The following WAC variants were observed in gnomAD, a reference collection of about 807,000 sequenced individuals.
WAC encodes WW domain-containing adapter protein with coiled-coil.
WAC carries 11 observed loss-of-function variants against 79.6 expected under a neutral mutation model. The ratio of observed to expected loss-of-function variants is 0.14; its 90% CI spans 0.09 to 0.23. WAC has a LOEUF of 0.23. Ranked by LOEUF, WAC falls within the 10% of genes least tolerant of loss-of-function variation. The pLI, the probability that WAC is intolerant of heterozygous loss-of-function variation, is 1.00. For synonymous variants in WAC, 304 were observed against 276.9 expected (o/e 1.10, Z -0.97); for missense variants, 728 against 773.5 (o/e 0.94, Z 0.70).
chr10:28,573,538 T>C (rs1204722857), intron 3 of WAC, among the ~76,000 whole-genome samples: 1 of 152,192 alleles, frequency 6.6e-6, no homozygotes, highest in East Asian at 1.9e-4. Flanking sequence ...ATTTAAGCCA[T>C]AAGAGAATGT....
At chr10:28,619,121 A>G (rs1459823841) in intron 13 of WAC, among the ~76,000 whole-genome samples, 2 of 152,198 alleles carry the variant, frequency 1.3e-5, no homozygotes, top group Non-Finnish European at 2.9e-5. Flanking sequence ...TCTACTAAAA[A>G]TATAAAAATT....
At chr10:28,559,099 C>T (rs1838157383) in intron 3 of WAC, among the ~76,000 whole-genome samples, 1 of 148,652 alleles carries the variant, frequency 6.7e-6, no homozygotes, top group Admixed American at 6.8e-5. Context: ...GTATGGTAGA[C>T]AACAGATTAG....
intron 3 of WAC, among the ~76,000 whole-genome samples, chr10:28,549,573 G>A (rs1024283836): frequency 6.6e-6 from 1 of 152,020 alleles, no homozygotes; most frequent in African/African-American, 2.4e-5. Flanking sequence ...GCAATATCTT[G>A]TTTACAGACC....
chr10:28,595,689 C>G, intron 6 of WAC, 44 bp from the exon 7 acceptor site: 1 of 1,569,046 alleles, frequency 6.4e-7, no homozygotes, highest in Non-Finnish European at 8.7e-7. Flanking sequence ...TTTCTTCCCC[C>G]TTCTGTCATT....
At chr10:28,593,679 G>T (rs1840211735) in intron 6 of WAC, among the ~76,000 whole-genome samples, 1 of 150,986 alleles carries the variant, frequency 6.6e-6, no homozygotes, top group Admixed American at 6.6e-5. Context: ...GAGGCAGGCA[G>T]AGGTTTCAGT....
At chr10:28,574,686 C>T (rs758690758) in intron 3 of WAC, among the ~76,000 whole-genome samples, 37 of 152,176 alleles carry the variant, frequency 2.4e-4, no homozygotes, top group African/African-American at 3.4e-4. Flanking sequence ...TCAGGCAATC[C>T]GCTTGCCTCA....
Position 28,595,757 on chromosome 10 carries a change from C to T in WAC, c.635C>T (p.Ala212Val). ...GTGGAAGACAAGCATTCCAGTGATG[C>T]CAGTAGTTTGCTCCCACAGAATATT... is the stretch of plus-strand genomic sequence containing the variant. The part of the protein sequence containing the change: ...SGMEDKHSSD[A>V]SSLLPQNILS... Residue 212 changes from alanine to valine, a missense_variant, in exon 7 of 14, where the codon GCC becomes GTC. Ala to Val is a moderately conservative substitution (Grantham distance 64). This residue lies in a region of WAC where 648 missense variants were observed against 661.5 expected (regional missense o/e 0.98). Transcript: ENST00000354911. The T allele has an allele frequency of 6.2e-7, 1 of 1,613,858 alleles. No individual in the cohort carries two copies. Among genetic ancestry groups the T allele is most frequent in the South Asian group, 1.1e-5 (1 of 91,074 alleles).
At chr10:28,577,921 G>A (rs942065142) in intron 3 of WAC, among the ~76,000 whole-genome samples, 1 of 152,178 alleles carries the variant, frequency 6.6e-6, no homozygotes, top group African/African-American at 2.4e-5. Context: ...CACTTTGGGA[G>A]ACCAAGGCAG....
intron 8 of WAC, chr10:28,608,743 C>G (rs755624384): frequency 4.4e-6 from 1 of 226,102 alleles, no homozygotes; most frequent in Non-Finnish European, 8.6e-6. Context: ...TACATTAAAA[C>G]AATCGAGCGT....
chr10:28,535,459 A>G (rs1341255531), intron 2 of WAC, 103 bp from the exon 3 acceptor site: 2 of 1,353,278 alleles, frequency 1.5e-6, no homozygotes, highest in Non-Finnish European at 2.0e-6. Flanking sequence ...TAATTTTGTA[A>G]GTTCATAAAA....
rs149914882 is a variant in WAC at position 28,569,767 on chromosome 10, C to T, written c.275-13632C>T. On this transcript the variant is annotated intron_variant, in intron 3 of 13. Transcript: ENST00000354911. ...TACATATGGTTTGTTGGGGCTTCCC[C>T]TCCAGTAATCATTGAGATTCTGTTT... Among the ~76,000 whole-genome samples, 810 of 152,276 alleles carry T rather than the reference C, an allele frequency of 5.3e-3. 5 individuals are homozygous for T. Among genetic ancestry groups the T allele is most frequent in the African/African-American group, 0.019 (774 of 41,556 alleles).
intron 3 of WAC, among the ~76,000 whole-genome samples, chr10:28,569,669 CAAGGAGGT>C (rs1838841108): frequency 6.6e-6 from 1 of 152,024 alleles, no homozygotes; most frequent in Non-Finnish European, 1.5e-5. Flanking sequence ...TGTGGCTGGG[CAAGGAGGT>C]TGGTGGGGAA....
At chr10:28,595,369 C>T (rs1349249697) in intron 6 of WAC, among the ~76,000 whole-genome samples, 1 of 151,764 alleles carries the variant, frequency 6.6e-6, no homozygotes, top group Non-Finnish European at 1.5e-5. Flanking sequence ...ACTTTTTCTG[C>T]CTTTAAAACA....
chr10:28,555,918 C>T (rs1837952283), intron 3 of WAC, among the ~76,000 whole-genome samples: 1 of 152,118 alleles, frequency 6.6e-6, no homozygotes, highest in African/African-American at 2.4e-5. Context: ...TTATAAATTA[C>T]ACAGTCTGGT....
chr10:28,567,611 C>T (rs545924326), intron 3 of WAC, among the ~76,000 whole-genome samples: 114 of 152,140 alleles, frequency 7.5e-4, no homozygotes, highest in Non-Finnish European at 1.1e-3. Flanking sequence ...CTCTACATCA[C>T]TGGGCCAAAA....
At chr10:28,602,345 A>C (rs1440935703) in intron 7 of WAC, among the ~76,000 whole-genome samples, 1 of 152,242 alleles carries the variant, frequency 6.6e-6, no homozygotes, top group Non-Finnish European at 1.5e-5. Flanking sequence ...ACATTTATAA[A>C]TGCATTAAGT....
At chr10:28,616,012 C>G (rs1028282852) in intron 11 of WAC, 161 bp from the exon 12 acceptor site, 21 of 562,386 alleles carry the variant, frequency 3.7e-5, no homozygotes, top group Non-Finnish European at 6.2e-5. Flanking sequence ...GAATCATATA[C>G]TTTGGATTAT....
intron 3 of WAC, among the ~76,000 whole-genome samples, chr10:28,555,736 AAGATT>A (rs1212876502): frequency 6.6e-6 from 1 of 152,180 alleles, no homozygotes; most frequent in African/African-American, 2.4e-5. Flanking sequence ...GCAAGTAATT[AAGATT>A]AGATAAGTCA....
intron 2 of WAC, chr10:28,535,341 T>C: frequency 2.8e-6 from 1 of 361,382 alleles, no homozygotes; most frequent in Non-Finnish European, 4.7e-6. Flanking sequence ...GTGGGTTTTT[T>C]TTGTGTTTAG....
Sources: gnomAD v4.1 joint callset for allele counts (sites outside exome capture counted in the v4.1 genomes callset) on GRCh38, gnomAD v4.1.1 for gene constraint, gnomAD v4.1.1 regional missense constraint, MANE v1.5 for transcripts, NCBI Gene and HGNC (gene_info 2026-07-23, HGNC 2026-07-21) for gene names.